SKAP1: variants seen among roughly 807,000 people sequenced by gnomAD.
The protein encoded by SKAP1 is src kinase associated phosphoprotein 1.
Under a neutral mutation model 58.5 loss-of-function variants are expected in SKAP1, and 44 were observed. The ratio of observed to expected loss-of-function variants is 0.75; its 90% CI spans 0.59 to 0.97. SKAP1 has a LOEUF of 0.97. SKAP1 is among the 50% of genes least tolerant of loss of function. The pLI is 0.00. For synonymous variants in SKAP1, 127 were observed against 149.7 expected, an observed-to-expected ratio of 0.85 and a Z score of 1.11; for missense variants, 390 against 435.2, an observed-to-expected ratio of 0.90 and a Z score of 0.92.
intron 10 of SKAP1, among the ~76,000 whole-genome samples, chr17:48,166,300 G>A (rs2064138499): frequency 6.6e-6 from 1 of 152,138 alleles, no homozygotes; most frequent in African/African-American, 2.4e-5. Context: ...AAAAGTATTG[G>A]TTTCTTTTTT....
chr17:48,381,004 T>C (rs1403283120), intron 2 of SKAP1, among the ~76,000 whole-genome samples: 1 of 152,232 alleles, frequency 6.6e-6, no homozygotes, highest in East Asian at 1.9e-4. Flanking sequence ...GTGCTTTGTA[T>C]ACAAATTATA....
At chr17:48,295,196 A>G (rs895611122) in intron 4 of SKAP1, among the ~76,000 whole-genome samples, 3 of 152,204 alleles carry the variant, frequency 2.0e-5, no homozygotes, top group African/African-American at 7.2e-5. Flanking sequence ...GTTGACTTCA[A>G]TCGGGCAAGA....
chr17:48,221,133 G>T (rs2143726785), intron 4 of SKAP1, among the ~76,000 whole-genome samples: 1 of 151,442 alleles, frequency 6.6e-6, no homozygotes, highest in Non-Finnish European at 1.5e-5. Flanking sequence ...TGGGCATGGT[G>T]ATGCACATCT....
At chr17:48,206,080 G>C (rs1341452184) in intron 4 of SKAP1, among the ~76,000 whole-genome samples, 1 of 152,166 alleles carries the variant, frequency 6.6e-6, no homozygotes. Flanking sequence ...CTCCAGGAGA[G>C]ACTAGAAGCA....
chr17:48,349,433 C>T (rs955262155), intron 3 of SKAP1, among the ~76,000 whole-genome samples: 2 of 152,174 alleles, frequency 1.3e-5, no homozygotes, highest in Non-Finnish European at 2.9e-5. Flanking sequence ...GACACATTTT[C>T]CCACTGCAAC....
At chr17:48,335,766 T>C (rs755233130) in intron 4 of SKAP1, among the ~76,000 whole-genome samples, 24 of 152,126 alleles carry the variant, frequency 1.6e-4, no homozygotes, top group Non-Finnish European at 3.4e-4. Flanking sequence ...CCTTTATTTA[T>C]CTGTTTAGGA....
At chr17:48,228,294 T>C (rs1359059646) in intron 4 of SKAP1, among the ~76,000 whole-genome samples, 1 of 152,160 alleles carries the variant, frequency 6.6e-6, no homozygotes, top group East Asian at 1.9e-4. Context: ...TTTCACACCG[T>C]GTATTTGTGT....
chr17:48,253,917 C>T (rs1443481916), intron 4 of SKAP1, among the ~76,000 whole-genome samples: 1 of 152,042 alleles, frequency 6.6e-6, no homozygotes, highest in East Asian at 1.9e-4. Context: ...TGAGTTCTTC[C>T]CCTTTTTCAG....
At chr17:48,306,106 C>T (rs1231626039) in intron 4 of SKAP1, among the ~76,000 whole-genome samples, 3 of 152,152 alleles carry the variant, frequency 2.0e-5, no homozygotes, top group African/African-American at 7.2e-5. Context: ...GCCTCTACAA[C>T]TCAAATCTGA....
At chr17:48,331,978 A>G (rs1039416065) in intron 4 of SKAP1, among the ~76,000 whole-genome samples, 1 of 152,148 alleles carries the variant, frequency 6.6e-6, no homozygotes, top group Admixed American at 6.5e-5. Flanking sequence ...CCTTCCCAAT[A>G]AAATTTTGTC....
chr17:48,150,843 C>T (rs1282746413), intron 11 of SKAP1, among the ~76,000 whole-genome samples: 1 of 152,194 alleles, frequency 6.6e-6, no homozygotes, highest in African/African-American at 2.4e-5. Flanking sequence ...GAGTCTGAAA[C>T]GGTTTGCTCT....
At position 48,396,740 on chromosome 17, in the gene SKAP1, C is replaced by G. The variant is rs550600837; in HGVS notation, c.92G>C (p.Ser31Thr). The G allele has an allele frequency of 6.2e-7, 1 of 1,613,714 alleles. No individual in the cohort carries two copies. Among genetic ancestry groups the G allele is most frequent in the Non-Finnish European group, 8.5e-7 (1 of 1,179,786 alleles). ...GTCTCTGTGATCCCTTGCAACAGCG[C>G]TGAGGTTCTCATTCCGCAAACCTTC... ...LAEGLRNENLSAVARDHRDHI... is the reference protein window; with the variant it reads ...LAEGLRNENLTAVARDHRDHI... The change falls in exon 2 of 13, where the codon AGC becomes ACC. Residue 31 changes from serine (S) to threonine (T), a missense_variant. By Grantham distance (58) the Ser-to-Thr change is moderately conservative. Coordinates refer to ENST00000336915, the MANE Select transcript of SKAP1 (RefSeq NM_003726.4).
At chr17:48,438,963 A>G in the SKAP1 span, among the ~76,000 whole-genome samples, 15 of 152,348 alleles carry the variant, frequency 9.8e-5, no homozygotes, top group African/African-American at 3.4e-4. Context: ...GAAAAGATAA[A>G]TAAGTGGAGA....
intron 4 of SKAP1, among the ~76,000 whole-genome samples, chr17:48,265,196 G>A (rs2065530229): frequency 6.6e-6 from 1 of 152,080 alleles, no homozygotes; most frequent in African/African-American, 2.4e-5. Flanking sequence ...CTCTAAATCT[G>A]GGAATTTTTA....
At chr17:48,301,603 A>G (rs779202630) in intron 4 of SKAP1, among the ~76,000 whole-genome samples, 121 of 152,032 alleles carry the variant, frequency 8.0e-4, no homozygotes, top group Admixed American at 3.0e-3. Context: ...CAGCCTCCCA[A>G]GTAGCTGGGA....
At chr17:48,318,634 G>A (rs773953566) in intron 4 of SKAP1, among the ~76,000 whole-genome samples, 13 of 152,184 alleles carry the variant, frequency 8.5e-5, no homozygotes, top group African/African-American at 2.7e-4. Context: ...GGGAGGCCAC[G>A]GCAGGAAGAC....
At chr17:48,212,122 G>A (rs928909183) in intron 4 of SKAP1, among the ~76,000 whole-genome samples, 1 of 151,706 alleles carries the variant, frequency 6.6e-6, no homozygotes, top group South Asian at 2.1e-4. Flanking sequence ...GTCACCTTAT[G>A]AACCTAGAAT....
intron 10 of SKAP1, among the ~76,000 whole-genome samples, chr17:48,164,895 T>A (rs2064115034): frequency 6.6e-6 from 1 of 152,236 alleles, no homozygotes; most frequent in Admixed American, 6.5e-5. Context: ...TTAACACACA[T>A]GTGATATGCA....
chr17:48,251,166 T>C (rs137994874), intron 4 of SKAP1, among the ~76,000 whole-genome samples: 1 of 152,376 alleles, frequency 6.6e-6, no homozygotes, highest in African/African-American at 2.4e-5. Context: ...AATTGTTGTT[T>C]ATGTTGGATC....
Sources: allele counts gnomAD v4.1 joint callset (sites outside exome capture counted in the v4.1 genomes callset), GRCh38; gene constraint gnomAD v4.1.1; transcripts MANE v1.5; gene names NCBI Gene and HGNC (gene_info 2026-07-23, HGNC 2026-07-21).